BDH1: variants seen among roughly 807,000 people sequenced by gnomAD.
BDH1 encodes 3-hydroxybutyrate dehydrogenase 1, also known as D-beta-hydroxybutyrate dehydrogenase, mitochondrial.
In BDH1, 30 loss-of-function variants were observed where a neutral mutation model predicts 33.1. The ratio of observed to expected loss-of-function variants is 0.91; its 90% CI spans 0.68 to 1.23. The LOEUF (loss-of-function observed/expected upper bound fraction) is 1.23, where lower values mean the gene tolerates loss of function less well. Ranked by LOEUF, BDH1 falls within the 50% of genes most tolerant of loss-of-function variation. BDH1 has a pLI of 0.00. For synonymous variants in BDH1, 190 were observed against 183.6 expected, an observed-to-expected ratio of 1.03 and a Z score of -0.28; for missense variants, 443 against 464.4, an observed-to-expected ratio of 0.95 and a Z score of 0.42.
At chr3:197,569,998 T>C (rs1157941224) in intron 1 of BDH1, among the ~76,000 whole-genome samples, 1 of 152,222 alleles carries the variant, frequency 6.6e-6, no homozygotes, top group East Asian at 1.9e-4. Flanking sequence ...AGAGACTTGT[T>C]AAATGGCTTT....
At chr3:197,531,446 T>C (rs1299714800) in intron 5 of BDH1, among the ~76,000 whole-genome samples, 1 of 146,510 alleles carries the variant, frequency 6.8e-6, no homozygotes, top group Non-Finnish European at 1.5e-5. Flanking sequence ...TGTGTATATA[T>C]ATATATACAT....
At chr3:197,536,343 T>C (rs1715152633) in intron 3 of BDH1, among the ~76,000 whole-genome samples, 1 of 152,244 alleles carries the variant, frequency 6.6e-6, no homozygotes, top group African/African-American at 2.4e-5. Flanking sequence ...TGCCTTTCCA[T>C]ATAAATTTTA....
intron 3 of BDH1, chr3:197,543,163 A>G (rs1579970401): frequency 1.0e-6 from 1 of 985,374 alleles, no homozygotes; most frequent in Non-Finnish European, 1.2e-6. Context: ...GTCCATTTGA[A>G]TCTAACAAGA....
At chr3:197,529,998 A>G (rs1193602654) in intron 5 of BDH1, 1 of 152,096 alleles carries the variant, frequency 6.6e-6, no homozygotes, top group African/African-American at 2.4e-5. Context: ...TACTCACTAC[A>G]TTTTCCAGCC....
rs981796778 is a variant in BDH1 at position 197,513,526 on chromosome 3, C to A, written c.562+738G>T. On this transcript the variant is annotated intron_variant, in intron 7 of 7. Transcript: ENST00000392379. The stretch of plus-strand genomic sequence containing the variant: ...CCATCCAGGTGTGTCCCCGGGAGGG[C>A]ACTCAGCCCATCCAGGTGTGTCCCC... Among the ~76,000 whole-genome samples, 10 of 148,886 alleles carry A rather than the reference C, an allele frequency of 6.7e-5. No individual in the cohort carries two copies. In the South Asian group the frequency reaches 1.1e-3, roughly 16 times the overall value.
At chr3:197,527,079 T>C (rs916525218) in intron 5 of BDH1, among the ~76,000 whole-genome samples, 9 of 152,226 alleles carry the variant, frequency 5.9e-5, no homozygotes, top group Non-Finnish European at 1.2e-4. Flanking sequence ...CTCTAGCATA[T>C]ATGTTCAGGT....
chr3:197,522,779 G>C lies in BDH1; in HGVS notation c.270C>G (p.Asp90Glu). ...GCTCCTTGACCCCATCATGGCCTTTGTCCTGGGGAGGAGAGAAGAGCTGCT... is the reference window on the plus strand; with the variant it reads ...GCTCCTTGACCCCATCATGGCCTTTCTCCTGGGGAGGAGAGAAGAGCTGCT... ...FLVFAGCLMK[D>E]KGHDGVKELD... The change falls in exon 6 of 8, where the codon GAC becomes GAG. Residue 90 changes from aspartate to glutamate, a missense_variant and splice_region_variant. By Grantham distance (45) the Asp-to-Glu change is conservative (BLOSUM62 2). Coordinates refer to ENST00000392379, the MANE Select transcript of BDH1 (RefSeq NM_203314.3). The surrounding 1 kb of genome is among the most constrained non-coding windows in gnomAD (Gnocchi z 4.8). 6.2e-7 allele frequency: 1 copy of C among 1,613,804 alleles called. No individual in the cohort carries two copies. Among genetic ancestry groups the C allele is most frequent in the Non-Finnish European group, 8.5e-7 (1 of 1,179,816 alleles).
chr3:197,543,872 C>A (rs1715867670), intron 3 of BDH1, among the ~76,000 whole-genome samples: 1 of 152,130 alleles, frequency 6.6e-6, no homozygotes, highest in Non-Finnish European at 1.5e-5. Flanking sequence ...GGGAATAACT[C>A]GCTCAGTGTG....
chr3:197,550,053 C>T (rs75835258), intron 2 of BDH1, among the ~76,000 whole-genome samples: 13,963 of 150,438 alleles, frequency 0.093, 820 homozygotes, highest in African/African-American at 0.14. Context: ...CTCAGCTATA[C>T]GTGGGAGCTT....
intron 5 of BDH1, chr3:197,530,624 A>G (rs181678293): frequency 6.6e-6 from 1 of 152,572 alleles, no homozygotes; most frequent in South Asian, 2.1e-4. Flanking sequence ...TAACAAAAAT[A>G]CAAAGTTATT....
In BDH1 at chr3:197,533,128, C is replaced by T. The variant is rs138794889; in HGVS notation, c.156+361G>A. On this transcript the variant is annotated intron_variant, in intron 4 of 7. Coordinates refer to ENST00000392379, the MANE Select transcript of BDH1 (RefSeq NM_203314.3). ...CCTACCTTAGTTGATCCACCCACCT[C>T]GGCCTCCCAAAGTGCTGGGATTACA... Among the ~76,000 whole-genome samples, 1,045 of 152,324 alleles carry T rather than the reference C, an allele frequency of 6.9e-3. 9 individuals are homozygous for T. Among genetic ancestry groups the T allele is most frequent in the African/African-American group, 0.024 (979 of 41,564 alleles).
Position 197,546,467 on chromosome 3 carries a change from C to T in BDH1, c.-24G>A. On this transcript the variant is annotated 5_prime_UTR_variant, in exon 3 of 8. Transcript: ENST00000392379. Reference sequence around the variant, plus strand: ...ATGGTAGCAACGGGTGTTAGAATGGCCCAGTTCCTCCCGGTGGTTCTGAAA... The same window carrying T: ...ATGGTAGCAACGGGTGTTAGAATGGTCCAGTTCCTCCCGGTGGTTCTGAAA... 1 of 1,610,034 alleles carries T rather than the reference C, an allele frequency of 6.2e-7. No individual in the cohort carries two copies. Among genetic ancestry groups the T allele is most frequent in the East Asian group, 2.2e-5 (1 of 44,858 alleles).
At chr3:197,542,521 C>CTTTTTTTTTTTTTTTTTTTTTTTTT (rs71164295) in intron 3 of BDH1, among the ~76,000 whole-genome samples, 1 of 106,448 alleles carries the variant, frequency 9.4e-6, no homozygotes, top group Non-Finnish European at 1.8e-5. Flanking sequence ...TTCTTGCTTG[C>CTTTTTTTTTTTTTTTTTTTTTTTTT]TTTTTTTTTT....
intron 6 of BDH1, among the ~76,000 whole-genome samples, chr3:197,519,168 A>G (rs1160838767): frequency 6.6e-6 from 1 of 151,640 alleles, no homozygotes; most frequent in African/African-American, 2.4e-5. Context: ...GCCTTTTCCA[A>G]GCTTCTCCCT....
intron 7 of BDH1, among the ~76,000 whole-genome samples, chr3:197,512,693 T>G (rs1446824229): frequency 1.3e-5 from 2 of 152,046 alleles, no homozygotes; most frequent in Non-Finnish European, 2.9e-5. Flanking sequence ...AGGGGAGAAG[T>G]GGGAGGCGAG....
At position 197,514,425 on chromosome 3, in the gene BDH1, G is replaced by A; in HGVS notation, c.410-9C>T. 1.3e-6 allele frequency: 2 copies of A among 1,594,424 alleles called. No homozygotes were observed. The highest frequency in any genetic ancestry group is 1.7e-6 in the Non-Finnish European group (2 of 1,168,784). On this transcript the variant is annotated splice_polypyrimidine_tract_variant and intron_variant, in intron 6 of 7. Transcript: ENST00000392379. The surrounding 1 kb of genome is among the most constrained non-coding windows in gnomAD (Gnocchi z 4.2). ...AACGAGGCCCCACATGCCTGGACAG[G>A]AGAGGGATAGATGTGCATTTACCAC...
At position 197,514,125 on chromosome 3, in the gene BDH1, G is replaced by GCATA; in HGVS notation, c.562+135_562+138dup. ...TCTGCCCACCATCACCCCAGGCCCA[G>GCATA]CATAGTCCCTGGGATTCACGAGCTC... is the stretch of plus-strand genomic sequence containing the variant. On this transcript the variant is annotated intron_variant, in intron 7 of 7. Coordinates refer to ENST00000392379, the MANE Select transcript of BDH1 (RefSeq NM_203314.3). The surrounding 1 kb of genome is among the most constrained non-coding windows in gnomAD (Gnocchi z 4.2). The GCATA allele has an allele frequency of 8.4e-7, 1 of 1,187,624 alleles. No homozygotes were observed. Among genetic ancestry groups the GCATA allele is most frequent in the Non-Finnish European group, 1.2e-6 (1 of 868,890 alleles). 73.6% of individuals were successfully genotyped at this position (1,187,624 alleles called of 1,614,324 possible). A position where few individuals can be genotyped will look rare whatever the true frequency, so the allele number is the denominator to read the frequency against.
chr3:197,514,333 C>T lies in BDH1; in HGVS notation c.493G>A (p.Ala165Thr), dbSNP rs1712448153. 3 of 1,613,974 alleles carry T rather than the reference C, an allele frequency of 1.9e-6. No individual in the cohort carries two copies. Among genetic ancestry groups the T allele is most frequent in the Non-Finnish European group, 2.5e-6 (3 of 1,179,928 alleles). Reference sequence around the variant, plus strand: ...ACTGTGCCCCAAAGGTTCACTTCTGCCACCTGCTTGTAGGTCTCCAGGCTG... The same window carrying T: ...ACTGTGCCCCAAAGGTTCACTTCTGTCACCTGCTTGTAGGTCTCCAGGCTG... ...FTSLETYKQV[A>T]EVNLWGTVRM... The change falls in exon 7 of 8, where the codon GCA (alanine) becomes ACA (threonine). Residue 165 changes from alanine to threonine, a missense_variant. Transcript: ENST00000392379. This position sits in a 1 kb window ranked among gnomAD's most constrained non-coding sequence, Gnocchi z 4.2.
chr3:197,565,348 C>T (rs1717401313), intron 1 of BDH1, among the ~76,000 whole-genome samples: 1 of 152,078 alleles, frequency 6.6e-6, no homozygotes, highest in Non-Finnish European at 1.5e-5. Flanking sequence ...ACTTATTTTA[C>T]AATAACCTGT....
Sources: allele counts gnomAD v4.1 joint callset (sites outside exome capture counted in the v4.1 genomes callset), GRCh38; gene constraint gnomAD v4.1.1; non-coding constraint Gnocchi (gnomAD v3.1); transcripts MANE v1.5; gene names NCBI Gene and HGNC (gene_info 2026-07-23, HGNC 2026-07-21).